CRACDL: variants seen among roughly 807,000 people sequenced by gnomAD.
CRACDL encodes the protein CRACD-like protein.
In CRACDL, 26 loss-of-function variants were observed where a neutral mutation model predicts 70.6. The ratio of observed to expected loss-of-function variants is 0.37; its 90% CI spans 0.27 to 0.51. CRACDL has a LOEUF of 0.51. CRACDL is among the 20% of genes least tolerant of loss of function. The probability of loss-of-function intolerance (pLI) is 0.94; values close to 1 mark genes in which losing one functional copy is unlikely to be tolerated. For synonymous variants in CRACDL, 618 were observed against 615.2 expected (o/e 1.00, Z -0.07); for missense variants, 1,283 against 1,376.9 (o/e 0.93, Z 1.08).
chr2:98,794,353 T>A lies in CRACDL; in HGVS notation c.*179A>T. 1 of 538,790 alleles carries A rather than the reference T, an allele frequency of 1.9e-6. No homozygotes were observed. Among genetic ancestry groups the A allele is most frequent in the Non-Finnish European group, 3.2e-6 (1 of 309,194 alleles). The allele number at this position is 538,790 out of a possible 1,614,324, so 33.4% of individuals were successfully genotyped here. On this transcript the variant is annotated 3_prime_UTR_variant, in exon 10 of 10. Transcript: ENST00000397899. ...GTTTCTGGGCCCTCTGGCCCAGGAG[T>A]ATGGCTGTGTGTTTATCCTCTTTGT...
intron 1 of CRACDL, among the ~76,000 whole-genome samples, chr2:98,924,414 C>T (rs1199092700): frequency 6.6e-6 from 1 of 152,224 alleles, no homozygotes; most frequent in Non-Finnish European, 1.5e-5. Flanking sequence ...ATCATTTCTG[C>T]TTTTAATTAG....
At chr2:98,877,766 T>C (rs551638302) in intron 1 of CRACDL, among the ~76,000 whole-genome samples, 1 of 151,826 alleles carries the variant, frequency 6.6e-6, no homozygotes, top group African/African-American at 2.4e-5. Context: ...ATAAAAAAAT[T>C]TAAAATAAAT....
intron 1 of CRACDL, among the ~76,000 whole-genome samples, chr2:98,898,887 C>T (rs1434521601): frequency 2.0e-5 from 3 of 152,162 alleles, no homozygotes; most frequent in Non-Finnish European, 4.4e-5. Context: ...GATGAATGCA[C>T]TTATTTCTGC....
chr2:98,919,814 G>A (rs1316030987), intron 1 of CRACDL, among the ~76,000 whole-genome samples: 2 of 152,186 alleles, frequency 1.3e-5, no homozygotes, highest in African/African-American at 4.8e-5. Flanking sequence ...GTGCAGTGGT[G>A]TGATCACAGC....
At chr2:98,874,455 C>A (rs905897173) in intron 1 of CRACDL, among the ~76,000 whole-genome samples, 3 of 152,214 alleles carry the variant, frequency 2.0e-5, no homozygotes, top group Non-Finnish European at 4.4e-5. Context: ...AGGCTCCGCA[C>A]GGGCTGCTGG....
At chr2:98,815,991 T>TC (rs1399445660) in intron 7 of CRACDL, among the ~76,000 whole-genome samples, 1 of 152,184 alleles carries the variant, frequency 6.6e-6, no homozygotes, top group Non-Finnish European at 1.5e-5. Flanking sequence ...TTGCTGGTGT[T>TC]CACTTGGAGT....
chr2:98,895,571 G>C (rs553214525), intron 1 of CRACDL, among the ~76,000 whole-genome samples: 11 of 152,282 alleles, frequency 7.2e-5, no homozygotes, highest in Admixed American at 2.6e-4. Flanking sequence ...AGTTTTGAGA[G>C]CTGGATTAGG....
intron 1 of CRACDL, among the ~76,000 whole-genome samples, chr2:98,895,304 A>G (rs960817727): frequency 6.6e-6 from 1 of 152,196 alleles, no homozygotes; most frequent in Non-Finnish European, 1.5e-5. Flanking sequence ...ATTATGACAC[A>G]CACAGTTGGG....
intron 2 of CRACDL, among the ~76,000 whole-genome samples, chr2:98,843,579 G>T (rs1315375517): frequency 6.6e-6 from 1 of 152,220 alleles, no homozygotes; most frequent in Non-Finnish European, 1.5e-5. Context: ...AGGTATATTT[G>T]CATATGAATG....
intron 1 of CRACDL, among the ~76,000 whole-genome samples, chr2:98,912,120 C>G (rs905916512): frequency 1.3e-5 from 2 of 152,200 alleles, no homozygotes; most frequent in African/African-American, 4.8e-5. Flanking sequence ...GTGTGACAAC[C>G]ACTGGCGTCC....
chr2:98,803,293 C>T (rs1704159791), intron 7 of CRACDL, among the ~76,000 whole-genome samples: 1 of 152,124 alleles, frequency 6.6e-6, no homozygotes, highest in Non-Finnish European at 1.5e-5. Context: ...AGCCACTGTG[C>T]CCGGCCATGA....
chr2:98,916,223 A>C (rs1464585579), intron 1 of CRACDL, among the ~76,000 whole-genome samples: 2 of 152,254 alleles, frequency 1.3e-5, no homozygotes, highest in Non-Finnish European at 2.9e-5. Context: ...ATCACAAAAT[A>C]ATCATGGGCT....
intron 1 of CRACDL, among the ~76,000 whole-genome samples, chr2:98,875,421 C>A (rs1039787368): frequency 6.6e-6 from 1 of 152,236 alleles, no homozygotes; most frequent in African/African-American, 2.4e-5. Context: ...GCTGTGTCAT[C>A]TCAGACACTG....
chr2:98,813,901 T>C (rs1032233233), intron 7 of CRACDL, among the ~76,000 whole-genome samples: 3 of 152,200 alleles, frequency 2.0e-5, no homozygotes, highest in African/African-American at 7.2e-5. Context: ...TACAGGACCA[T>C]TCATGCTATT....
At chr2:98,851,535 C>T (rs1706481360) in intron 1 of CRACDL, among the ~76,000 whole-genome samples, 1 of 152,156 alleles carries the variant, frequency 6.6e-6, no homozygotes, top group Non-Finnish European at 1.5e-5. Context: ...TCAATCTTTA[C>T]ACCTCCCTTT....
Position 98,846,822 on chromosome 2 carries a change from T to C in CRACDL, c.-10-12A>G, listed in dbSNP as rs1485292991. The C allele has an allele frequency of 1.2e-6, 2 of 1,608,218 alleles. No homozygotes were observed. The highest frequency in any genetic ancestry group is 1.3e-5 in the African/African-American group (1 of 74,812). On this transcript the variant is annotated splice_polypyrimidine_tract_variant and intron_variant, in intron 1 of 9. Coordinates refer to ENST00000397899, the MANE Select transcript of CRACDL (RefSeq NM_207362.3). ...TCATGTCAAGCTCGCTGAAATTATA[T>C]GGAAATTCACGTTAAAGAAACATGG...
In CRACDL at chr2:98,866,672, T is replaced by A. The variant is rs548053300; in HGVS notation, c.-10-19862A>T. Among the ~76,000 whole-genome samples the A allele has an allele frequency of 6.6e-5, 10 of 151,212 alleles. No homozygotes were observed. The East Asian group carries it at 1.9e-3, about 29-fold the overall frequency. On this transcript the variant is annotated intron_variant, in intron 1 of 9. Coordinates refer to ENST00000397899, the MANE Select transcript of CRACDL (RefSeq NM_207362.3). The stretch of plus-strand genomic sequence containing the variant: ...AGGCTAATTTTTTGTATTTTTTTTT[T>A]AATTAGAGACAGGGTTTCACCATGT...
At chr2:98,912,384 G>A (rs1030134065) in intron 1 of CRACDL, among the ~76,000 whole-genome samples, 6 of 152,204 alleles carry the variant, frequency 3.9e-5, no homozygotes, top group African/African-American at 1.2e-4. Context: ...CAGTGAGCTC[G>A]GTGATGCTCA....
intron 1 of CRACDL, among the ~76,000 whole-genome samples, chr2:98,907,798 T>C (rs1708450149): frequency 6.6e-6 from 1 of 152,252 alleles, no homozygotes; most frequent in African/African-American, 2.4e-5. Flanking sequence ...ATATTCATTA[T>C]GCCATCATGT....
Sources: allele counts gnomAD v4.1 joint callset (sites outside exome capture counted in the v4.1 genomes callset), GRCh38; gene constraint gnomAD v4.1.1; transcripts MANE v1.5; gene names NCBI Gene and HGNC (gene_info 2026-07-23, HGNC 2026-07-21).